The following ADAMTSL1 variants were observed in gnomAD, a reference collection of about 807,000 sequenced individuals.
ADAMTSL1 encodes ADAMTS like 1.
In ADAMTSL1, 126 loss-of-function variants were observed where a neutral mutation model predicts 201.8. The ratio of observed to expected loss-of-function variants is 0.62; its 90% CI spans 0.54 to 0.72. The LOEUF (loss-of-function observed/expected upper bound fraction) is 0.72, where lower values mean the gene tolerates loss of function less well. Among genes scored for constraint, ADAMTSL1 ranks in the 30% least tolerant of loss-of-function variants. The pLI, the probability that ADAMTSL1 is intolerant of heterozygous loss-of-function variation, is 0.00. For missense variants in ADAMTSL1, 2,679 were observed against 2,277.8 expected, an observed-to-expected ratio of 1.18 and a Z score of -3.59; for synonymous variants, 1,121 against 903.4, an observed-to-expected ratio of 1.24 and a Z score of -4.32.
At chr9:18,885,967 A>T (rs1828825609) in intron 23 of ADAMTSL1, among the ~76,000 whole-genome samples, 1 of 151,612 alleles carries the variant, frequency 6.6e-6, no homozygotes, top group Admixed American at 6.6e-5. Flanking sequence ...TGTAAATTTT[A>T]ACAGTTCTAT....
chr9:18,495,631 C>A (rs112870817), intron 1 of ADAMTSL1, among the ~76,000 whole-genome samples: 4,023 of 152,242 alleles, frequency 0.026, 101 homozygotes, highest in African/African-American at 0.071. Context: ...ACAGGTTAAG[C>A]TAGAGGAAAA....
At chr9:18,239,848 C>T (rs1236530058) in intron 2 of ADAMTSL1, among the ~76,000 whole-genome samples, 1 of 152,126 alleles carries the variant, frequency 6.6e-6, no homozygotes, top group African/African-American at 2.4e-5. Flanking sequence ...CCATAAGAAG[C>T]AACTCTTTGT....
chr9:18,466,542 C>T (rs1410895757), intron 2 of ADAMTSL1, among the ~76,000 whole-genome samples: 2 of 152,020 alleles, frequency 1.3e-5, no homozygotes, highest in African/African-American at 4.8e-5. Context: ...TGAGGTAATG[C>T]ATAAGTTAAT....
intron 1 of ADAMTSL1, among the ~76,000 whole-genome samples, chr9:18,007,468 T>A (rs1027908108): frequency 2.6e-5 from 4 of 152,044 alleles, no homozygotes; most frequent in African/African-American, 7.2e-5. Context: ...GACGGTATGT[T>A]AGAGTCATCT....
intron 2 of ADAMTSL1, among the ~76,000 whole-genome samples, chr9:18,224,941 T>G (rs998478347): frequency 2.0e-5 from 3 of 152,170 alleles, no homozygotes; most frequent in Admixed American, 6.6e-5. Context: ...TTTTTTTCCA[T>G]TATAAATACC....
At chr9:17,983,737 T>C (rs1388575292) in intron 1 of ADAMTSL1, among the ~76,000 whole-genome samples, 1 of 152,180 alleles carries the variant, frequency 6.6e-6, no homozygotes, top group East Asian at 1.9e-4. Context: ...ACACAATATT[T>C]ATGTCTAATT....
intron 1 of ADAMTSL1, among the ~76,000 whole-genome samples, chr9:18,479,872 G>T (rs188279582): frequency 6.6e-6 from 1 of 152,320 alleles, no homozygotes; most frequent in Admixed American, 6.5e-5. Context: ...TACATGTGAA[G>T]CGTTTCACTA....
chr9:17,985,377 G>A (rs1818882135), intron 1 of ADAMTSL1, among the ~76,000 whole-genome samples: 1 of 151,878 alleles, frequency 6.6e-6, no homozygotes, highest in African/African-American at 2.4e-5. Flanking sequence ...TAGATATCTA[G>A]GAAGACCATT....
At chr9:18,817,392 C>G (rs1252329637) in intron 21 of ADAMTSL1, among the ~76,000 whole-genome samples, 155 bp downstream of exon 21, 3 of 152,182 alleles carry the variant, frequency 2.0e-5, no homozygotes, top group African/African-American at 4.8e-5. Context: ...GTAGAAAGTG[C>G]TACAGAAATT....
intron 15 of ADAMTSL1, chr9:18,723,067 A>T (rs745325841): frequency 6.4e-6 from 5 of 779,470 alleles, no homozygotes; most frequent in Admixed American, 5.1e-5. Flanking sequence ...TTGTTAGGCA[A>T]CCAAGAGGCC....
chr9:18,586,177 T>C (rs1483626234), intron 4 of ADAMTSL1, among the ~76,000 whole-genome samples: 1 of 152,200 alleles, frequency 6.6e-6, no homozygotes, highest in Non-Finnish European at 1.5e-5. Context: ...CATGATTCTC[T>C]GTCTAGAAAA....
intron 1 of ADAMTSL1, among the ~76,000 whole-genome samples, chr9:18,066,544 T>C (rs530499427): frequency 5.3e-5 from 8 of 152,252 alleles, no homozygotes; most frequent in Admixed American, 3.3e-4. Flanking sequence ...AGCTCTTTAC[T>C]AAAATATTGT....
In ADAMTSL1 at chr9:18,386,153, C is replaced by T. The variant is rs138511086; in HGVS notation, c.208-118676C>T. ...GCAGGACTAGTGTTCTTTTAGGACTCACTGTCTAAGAGTTGCTTGATAAAG... is the reference window on the plus strand; with the variant it reads ...GCAGGACTAGTGTTCTTTTAGGACTTACTGTCTAAGAGTTGCTTGATAAAG... On this transcript the variant is annotated intron_variant, in intron 2 of 29. Transcript: ENST00000680146. 2.6e-3 allele frequency among the ~76,000 whole-genome samples: 395 copies of T among 152,218 alleles called. 4 individuals are homozygous for T. The highest frequency in any genetic ancestry group is 8.8e-3 in the African/African-American group (364 of 41,538).
intron 1 of ADAMTSL1, among the ~76,000 whole-genome samples, chr9:18,094,743 T>C (rs1421231466): frequency 6.6e-6 from 1 of 151,818 alleles, no homozygotes; most frequent in African/African-American, 2.4e-5. Context: ...TTTTTTTGTA[T>C]TTTTTGTAGA....
At chr9:18,325,799 G>C (rs980146436) in intron 2 of ADAMTSL1, among the ~76,000 whole-genome samples, 4 of 151,228 alleles carry the variant, frequency 2.6e-5, no homozygotes, top group African/African-American at 7.3e-5. Flanking sequence ...GGAATGAAGT[G>C]ATGCAATCTC....
At chr9:18,186,516 A>T (rs1453709016) in intron 2 of ADAMTSL1, among the ~76,000 whole-genome samples, 3 of 152,216 alleles carry the variant, frequency 2.0e-5, no homozygotes, top group Non-Finnish European at 4.4e-5. Flanking sequence ...CATTTTGCCG[A>T]CTGTAGAATG....
At chr9:18,185,963 A>G (rs768714972) in intron 2 of ADAMTSL1, among the ~76,000 whole-genome samples, 1 of 152,250 alleles carries the variant, frequency 6.6e-6, no homozygotes, top group Non-Finnish European at 1.5e-5. Context: ...TGAAGGCATC[A>G]TAAAATAAGT....
At chr9:18,707,769 C>A (rs145407196) in intron 14 of ADAMTSL1, among the ~76,000 whole-genome samples, 1 of 152,190 alleles carries the variant, frequency 6.6e-6, no homozygotes, top group South Asian at 2.1e-4. Context: ...AGTTAACTCA[C>A]GTTAAATGTT....
At chr9:18,836,895 A>G (rs561088848) in intron 23 of ADAMTSL1, among the ~76,000 whole-genome samples, 1 of 152,114 alleles carries the variant, frequency 6.6e-6, no homozygotes, top group South Asian at 2.1e-4. Flanking sequence ...TGCATTCTTG[A>G]TTTGGCCCTC....
Sources: allele counts gnomAD v4.1 joint callset (sites outside exome capture counted in the v4.1 genomes callset), GRCh38; gene constraint gnomAD v4.1.1; transcripts MANE v1.5; gene names NCBI Gene and HGNC (gene_info 2026-07-23, HGNC 2026-07-21).